Variants in MRTFB observed in about 807,000 individuals in gnomAD.
MRTFB encodes myocardin related transcription factor B.
A neutral mutation model predicts 104.2 loss-of-function variants in MRTFB; 29 were observed. The ratio of observed to expected loss-of-function variants is 0.28; its 90% CI spans 0.21 to 0.38. The LOEUF is 0.38. Ranked by LOEUF, MRTFB falls within the 10% of genes least tolerant of loss-of-function variation. MRTFB has a pLI of 1.00. For missense variants in MRTFB, 1,270 were observed against 1,341.6 expected, an observed-to-expected ratio of 0.95 and a Z score of 0.83; for synonymous variants, 535 against 519.5, an observed-to-expected ratio of 1.03 and a Z score of -0.41.
At chr16:14,010,974 T>A in the MRTFB span, among the ~76,000 whole-genome samples, 21 of 152,192 alleles carry the variant, frequency 1.4e-4, no homozygotes, top group African/African-American at 4.8e-4. Context: ...AAAGCTGTAA[T>A]GAAGATGACT....
intron 3 of MRTFB, among the ~76,000 whole-genome samples, chr16:14,199,864 C>T (rs576010556): frequency 6.2e-4 from 95 of 152,298 alleles, no homozygotes; most frequent in African/African-American, 2.2e-3. Context: ...CCATTGTCCT[C>T]ACTAATTCTT....
chr16:14,098,403 T>C (rs1438441270), intron 2 of MRTFB, among the ~76,000 whole-genome samples: 1 of 152,208 alleles, frequency 6.6e-6, no homozygotes, highest in East Asian at 1.9e-4. Context: ...TATATGTTTA[T>C]TGGGTTGTTT....
intron 2 of MRTFB, among the ~76,000 whole-genome samples, chr16:14,105,214 C>T (rs2035906245): frequency 6.6e-6 from 1 of 152,184 alleles, no homozygotes; most frequent in Non-Finnish European, 1.5e-5. Flanking sequence ...GGGAAGTTCT[C>T]ATACTACCCC....
intron 12 of MRTFB, 106 bp downstream of exon 12, chr16:14,247,613 A>C (rs1412782590): frequency 2.9e-6 from 3 of 1,023,604 alleles, no homozygotes; most frequent in South Asian, 1.7e-5. Flanking sequence ...CGTCCAGAGC[A>C]GACCCCACGG....
rs536887275 is a variant in MRTFB, at chr16:14,157,449, A to G, written c.154+16689A>G. 1.3e-4 allele frequency among the ~76,000 whole-genome samples: 20 copies of G among 152,226 alleles called. No individual in the cohort carries two copies. The South Asian group carries it at 3.7e-3, about 28-fold the overall frequency. On this transcript the variant is annotated intron_variant, in intron 3 of 16. Transcript: ENST00000571589. The stretch of plus-strand genomic sequence containing the variant: ...TGTGGTCTGGCTCCCCAAAGTCTGT[A>G]CTCCCTACTTTTTAGCCTTGGGCCT...
chr16:14,223,601 C>G (rs2041847948), intron 8 of MRTFB, among the ~76,000 whole-genome samples: 1 of 151,954 alleles, frequency 6.6e-6, no homozygotes, highest in Admixed American at 6.6e-5. Context: ...GAGGCTTGAA[C>G]AGCAGACTCA....
chr16:14,048,539 T>C, the MRTFB span, among the ~76,000 whole-genome samples: 2 of 152,048 alleles, frequency 1.3e-5, no homozygotes, highest in South Asian at 4.1e-4. Context: ...GTGAGGCAAA[T>C]CCAGACCACA....
chr16:14,207,557 G>A (rs1469311587), intron 3 of MRTFB, among the ~76,000 whole-genome samples: 1 of 152,140 alleles, frequency 6.6e-6, no homozygotes, highest in African/African-American at 2.4e-5. Context: ...AGTGATGAGA[G>A]TGGTTTTTGT....
At chr16:13,996,620 A>G in the MRTFB span, among the ~76,000 whole-genome samples, 11 of 152,360 alleles carry the variant, frequency 7.2e-5, no homozygotes, top group African/African-American at 2.4e-4. Flanking sequence ...TTGGAGTCCA[A>G]TGGGGAAGAT....
upstream of MRTFB, among the ~76,000 whole-genome samples, chr16:14,067,303 G>A (rs2033535310): frequency 6.7e-6 from 1 of 149,346 alleles, no homozygotes; most frequent in East Asian, 2.0e-4. Flanking sequence ...CTCACTGCCA[G>A]CCTCTGCCTC....
intron 2 of MRTFB, among the ~76,000 whole-genome samples, chr16:14,102,500 G>GA (rs1355023676): frequency 6.6e-6 from 1 of 152,158 alleles, no homozygotes; most frequent in Admixed American, 6.5e-5. Flanking sequence ...AAGGACTCAA[G>GA]AAAATAATTA....
chr16:14,253,989 A>G (rs976804254), intron 15 of MRTFB, among the ~76,000 whole-genome samples: 2 of 152,230 alleles, frequency 1.3e-5, no homozygotes, highest in African/African-American at 4.8e-5. Flanking sequence ...GCTTAACTGC[A>G]GTTTTTAAGA....
In MRTFB at chr16:14,247,492, C is replaced by T; in HGVS notation, c.2232C>T (p.Gly744=). The T allele has an allele frequency of 1.3e-6, 2 of 1,559,258 alleles. No homozygotes were observed. The highest frequency in any genetic ancestry group is 1.7e-6 in the Non-Finnish European group (2 of 1,157,576). ...SSVTSVQLPV[G]SLKLQTSPQA... ...TCACCTCAGTGCAACTCCCTGTAGGCAGCCTCAAACTCCAGGTGTGAAGTG... is the reference window on the plus strand; with the variant it reads ...TCACCTCAGTGCAACTCCCTGTAGGTAGCCTCAAACTCCAGGTGTGAAGTG... The change falls in exon 12 of 17, where the codon GGC becomes GGT. Residue 744 remains glycine, a synonymous_variant. Coordinates refer to ENST00000571589, the MANE Select transcript of MRTFB (RefSeq NM_001308142.2).
At chr16:14,231,409 A>T (rs1297218194) in intron 8 of MRTFB, among the ~76,000 whole-genome samples, 1 of 152,200 alleles carries the variant, frequency 6.6e-6, no homozygotes, top group African/African-American at 2.4e-5. Context: ...TTTTAGGTTC[A>T]CAGGTACTTG....
intron 1 of MRTFB, among the ~76,000 whole-genome samples, chr16:14,074,354 C>T (rs558134682): frequency 6.6e-6 from 1 of 152,000 alleles, no homozygotes; most frequent in Non-Finnish European, 1.5e-5. Context: ...AAATATTCAC[C>T]TGTATGTAAA....
the MRTFB span, among the ~76,000 whole-genome samples, chr16:14,061,567 T>C: frequency 1.1e-5 from 1 of 89,390 alleles, no homozygotes; most frequent in East Asian, 4.4e-4. Context: ...CAAGGTCATC[T>C]TTTTTTTTTT....
At chr16:14,111,264 G>A (rs1460536151) in intron 2 of MRTFB, among the ~76,000 whole-genome samples, 2 of 152,208 alleles carry the variant, frequency 1.3e-5, no homozygotes, top group Non-Finnish European at 2.9e-5. Flanking sequence ...TTGGGAGGCA[G>A]CAGGGAAAGA....
chr16:14,088,436 C>G (rs1465689558), intron 2 of MRTFB, among the ~76,000 whole-genome samples: 2 of 152,156 alleles, frequency 1.3e-5, no homozygotes, highest in African/African-American at 4.8e-5. Flanking sequence ...GCTCCAAAAT[C>G]CATGCTTTCT....
the MRTFB span, among the ~76,000 whole-genome samples, chr16:14,019,651 T>A: frequency 6.6e-6 from 1 of 152,214 alleles, no homozygotes; most frequent in Non-Finnish European, 1.5e-5. Flanking sequence ...AAGCTTCACG[T>A]CCTATTTCCA....
Sources: allele counts gnomAD v4.1 joint callset (sites outside exome capture counted in the v4.1 genomes callset), GRCh38; gene constraint gnomAD v4.1.1; transcripts MANE v1.5; gene names NCBI Gene and HGNC (gene_info 2026-07-23, HGNC 2026-07-21).